Variants in PFKFB3 observed in about 807,000 individuals in gnomAD.
The protein encoded by PFKFB3 is 6-phosphofructo-2-kinase/fructose-2,6-biphosphatase 3, also known as 6-phosphofructo-2-kinase/fructose-2,6-bisphosphatase 3.
Under a neutral mutation model 68.0 loss-of-function variants are expected in PFKFB3, and 33 were observed. The ratio of observed to expected loss-of-function variants is 0.49; its 90% CI spans 0.37 to 0.65. The LOEUF (loss-of-function observed/expected upper bound fraction) is 0.65. Among genes scored for constraint, PFKFB3 ranks in the 30% least tolerant of loss-of-function variants. PFKFB3 has a pLI of 0.00. For missense variants in PFKFB3, 586 were observed against 712.2 expected (o/e 0.82, Z 2.02); for synonymous variants, 315 against 288.2 (o/e 1.09, Z -0.94).
At chr10:6,219,999 C>CA (rs1844842743) in intron 7 of PFKFB3, among the ~76,000 whole-genome samples, 1 of 152,180 alleles carries the variant, frequency 6.6e-6, no homozygotes, top group Non-Finnish European at 1.5e-5. Flanking sequence ...TACAGGAAGT[C>CA]AACATAGAGT....
At chr10:6,170,704 G>T (rs79938775) in intron 1 of PFKFB3, among the ~76,000 whole-genome samples, 1 of 30,416 alleles carries the variant, frequency 3.3e-5, no homozygotes, top group Non-Finnish European at 2.2e-4. Flanking sequence ...GTGGGGACAG[G>T]GTATGGAGGT....
chr10:6,203,237 G>T lies in PFKFB3; in HGVS notation c.-24G>T, dbSNP rs755976157. ...CGTCGGGATCTCGGCCCCGGGAGGC[G>T]GGCCGTCGGGCGCAGCCGCGAAGAT... is the stretch of plus-strand genomic sequence containing the variant. On this transcript the variant is annotated 5_prime_UTR_variant, in exon 1 of 15. Transcript: ENST00000379775. 1.1e-4 allele frequency: 181 copies of T among 1,603,362 alleles called. No individual in the cohort carries two copies. Among genetic ancestry groups the T allele is most frequent in the Non-Finnish European group, 1.4e-4 (163 of 1,175,986 alleles).
intron 5 of PFKFB3, 103 bp downstream of exon 5, chr10:6,216,883 G>A: frequency 1.1e-6 from 1 of 888,106 alleles, no homozygotes; most frequent in Non-Finnish European, 1.9e-6. Context: ...TGCTGCCCAT[G>A]TTCCTTAGTC....
the PFKFB3 span, among the ~76,000 whole-genome samples, chr10:6,312,440 G>T: frequency 6.6e-6 from 1 of 152,130 alleles, no homozygotes; most frequent in Non-Finnish European, 1.5e-5. Flanking sequence ...TGTCAGCGGT[G>T]TGCCAAGAAT....
chr10:6,293,064 A>G, the PFKFB3 span: 2 of 381,826 alleles, frequency 5.2e-6, no homozygotes, highest in Admixed American at 3.1e-5. Context: ...GGAAACGGAG[A>G]CGTTCAGCTA....
At chr10:6,186,744 C>T (rs188163711) in intron 1 of PFKFB3, among the ~76,000 whole-genome samples, 1 of 152,244 alleles carries the variant, frequency 6.6e-6, no homozygotes, top group Admixed American at 6.5e-5. Context: ...GCCATCCTCC[C>T]ACCTCAGCCT....
chr10:6,150,375 G>A (rs1000889629), intron 1 of PFKFB3, among the ~76,000 whole-genome samples: 2 of 152,106 alleles, frequency 1.3e-5, no homozygotes, highest in Admixed American at 6.5e-5. Context: ...AACCCAGCAC[G>A]TTGGACGGCT....
chr10:6,165,060 C>G (rs114701852), intron 1 of PFKFB3, among the ~76,000 whole-genome samples: 1 of 152,064 alleles, frequency 6.6e-6, no homozygotes, highest in African/African-American at 2.4e-5. Context: ...GGCTGGGGCA[C>G]GGTCAGGTCT....
At chr10:6,167,458 G>A (rs117778769) in intron 1 of PFKFB3, among the ~76,000 whole-genome samples, 1 of 152,222 alleles carries the variant, frequency 6.6e-6, no homozygotes, top group Admixed American at 6.5e-5. Context: ...TACTTTAGGA[G>A]TCTCTTTTTT....
chr10:6,313,125 AT>A, the PFKFB3 span, among the ~76,000 whole-genome samples: 1 of 152,206 alleles, frequency 6.6e-6, no homozygotes, highest in Non-Finnish European at 1.5e-5. The surrounding 1 kb of genome is among the most constrained non-coding windows in gnomAD (Gnocchi z 4.2). Flanking sequence ...CTGCTTTTTA[AT>A]TATTGCTTGT....
chr10:6,294,200 T>C, the PFKFB3 span: 2 of 527,364 alleles, frequency 3.8e-6, no homozygotes, highest in African/African-American at 1.9e-5. Flanking sequence ...GGTTTCCATC[T>C]TGAGAGATGT....
rs3084010 is a variant in PFKFB3, at chr10:6,220,942, GTGCTGCTGCTGC to G, written c.831+94_831+105del. The stretch of plus-strand genomic sequence containing the variant: ...GTCTATAGGGTGGGTGGGGAGCTGT[GTGCTGCTGCTGC>G]TGCTGCTGCTGCTGCTTGGTGTGCT... On this transcript the variant is annotated intron_variant, in intron 8 of 14. Coordinates refer to ENST00000379775, the MANE Select transcript of PFKFB3 (RefSeq NM_004566.4). The surrounding 1 kb of genome is among the most constrained non-coding windows in gnomAD (Gnocchi z 4.1). The G allele has an allele frequency of 3.3e-5, 29 of 887,014 alleles. No homozygotes were observed. Among genetic ancestry groups the G allele is most frequent in the Middle Eastern group, 2.2e-4 (1 of 4,502 alleles). 54.9% of individuals were successfully genotyped at this position (887,014 alleles called of 1,614,324 possible). A position where few individuals can be genotyped will look rare whatever the true frequency, so the allele number is the denominator to read the frequency against.
chr10:6,302,066 T>TC, the PFKFB3 span, among the ~76,000 whole-genome samples: 116 of 151,804 alleles, frequency 7.6e-4, no homozygotes, highest in Non-Finnish European at 1.3e-3. Flanking sequence ...TTTTCTTTTT[T>TC]TTTTTTGAAA....
chr10:6,179,203 T>C (rs1842628699), intron 1 of PFKFB3, among the ~76,000 whole-genome samples: 1 of 152,184 alleles, frequency 6.6e-6, no homozygotes. Flanking sequence ...AATTCAGTTA[T>C]TGGTCCGAGG....
the PFKFB3 span, among the ~76,000 whole-genome samples, chr10:6,320,716 C>T: frequency 0.042 from 6,431 of 152,236 alleles, 444 homozygotes; most frequent in African/African-American, 0.15. Flanking sequence ...TGAACCACCA[C>T]GCCTGGCCAG....
chr10:6,272,510 A>G, the PFKFB3 span, among the ~76,000 whole-genome samples: 2,095 of 152,180 alleles, frequency 0.014, 25 homozygotes, highest in African/African-American at 0.027. Flanking sequence ...CCTGGCCAAC[A>G]TGGTGAACCC....
At chr10:6,311,292 C>G in the PFKFB3 span, among the ~76,000 whole-genome samples, 1 of 152,142 alleles carries the variant, frequency 6.6e-6, no homozygotes, top group Non-Finnish European at 1.5e-5. Context: ...CCCCTATCTC[C>G]CTGCATGGGC....
chr10:6,184,741 G>A (rs184182928), intron 1 of PFKFB3, among the ~76,000 whole-genome samples: 2,081 of 149,170 alleles, frequency 0.014, 25 homozygotes, highest in South Asian at 0.024. Context: ...CAAAGTGCTG[G>A]AATTACAGGT....
intron 1 of PFKFB3, among the ~76,000 whole-genome samples, chr10:6,205,147 C>G (rs1395247936): frequency 6.6e-6 from 1 of 152,242 alleles, no homozygotes; most frequent in Non-Finnish European, 1.5e-5. Context: ...CCGCCTACTG[C>G]TGGTATCCTC....
Sources: allele counts gnomAD v4.1 joint callset (sites outside exome capture counted in the v4.1 genomes callset), GRCh38; gene constraint gnomAD v4.1.1; non-coding constraint Gnocchi (gnomAD v3.1); transcripts MANE v1.5; gene names NCBI Gene and HGNC (gene_info 2026-07-23, HGNC 2026-07-21).